Variants in MREG observed in about 807,000 individuals in gnomAD.
MREG encodes the protein dilute suppressor protein homolog.
In MREG, 31 loss-of-function variants were observed where a neutral mutation model predicts 28.5. The ratio of observed to expected loss-of-function variants is 1.09; its 90% CI spans 0.82 to 1.47. The LOEUF (loss-of-function observed/expected upper bound fraction) is 1.47. Among genes scored for constraint, MREG ranks in the 40% most tolerant of loss-of-function variants. MREG has a pLI of 0.00. For missense variants in MREG, 256 were observed against 257.4 expected, an observed-to-expected ratio of 0.99 and a Z score of 0.04; for synonymous variants, 106 against 95.2, an observed-to-expected ratio of 1.11 and a Z score of -0.66.
chr2:216,033,125 T>C (rs989284908), upstream of MREG, among the ~76,000 whole-genome samples: 4 of 152,222 alleles, frequency 2.6e-5, no homozygotes, highest in Admixed American at 1.3e-4. Flanking sequence ...GAATTAACCA[T>C]ATAATGTATA....
chr2:215,988,823 T>C (rs1693649540), intron 2 of MREG, among the ~76,000 whole-genome samples: 1 of 152,208 alleles, frequency 6.6e-6, no homozygotes, highest in Admixed American at 6.5e-5. Flanking sequence ...AAAGCCACTA[T>C]GGCAAGACTG....
Position 215,945,713 on chromosome 2 carries a change from G to C in MREG, c.368C>G (p.Ser123Cys). 1 of 1,613,374 alleles carries C rather than the reference G, an allele frequency of 6.2e-7. No individual in the cohort carries two copies. Among genetic ancestry groups the C allele is most frequent in the African/African-American group, 1.3e-5 (1 of 74,994 alleles). ...GCTGAGTTTAGTCACTGACAACAAA[G>C]AGTCAGCTTCCTTTTGAAAACCTAA... ...EDLGFQKEADSLLSVTKLSTI... is the reference protein window; with the variant it reads ...EDLGFQKEADCLLSVTKLSTI... The change falls in exon 4 of 5, where the codon TCT becomes TGT. Residue 123 changes from serine (S) to cysteine (C), a missense_variant. Coordinates refer to ENST00000263268, the MANE Select transcript of MREG (RefSeq NM_018000.3).
At chr2:215,970,527 A>G (rs1016767045) in intron 2 of MREG, among the ~76,000 whole-genome samples, 8 of 152,358 alleles carry the variant, frequency 5.3e-5, no homozygotes, top group Middle Eastern at 6.8e-3. Context: ...AGACTTCTGC[A>G]TCAAAGGACT....
intron 2 of MREG, among the ~76,000 whole-genome samples, chr2:215,977,357 C>T (rs954542068): frequency 7.2e-5 from 11 of 152,196 alleles, no homozygotes; most frequent in Non-Finnish European, 1.2e-4. Flanking sequence ...GCACCCAATA[C>T]AGGAGCACCC....
intron 1 of MREG, among the ~76,000 whole-genome samples, chr2:216,011,664 A>G (rs1196756707): frequency 6.6e-6 from 1 of 152,228 alleles, no homozygotes; most frequent in Non-Finnish European, 1.5e-5. Flanking sequence ...TCTTAAAATC[A>G]CATGCAAAAT....
chr2:215,994,140 A>T (rs1026415013), intron 2 of MREG, among the ~76,000 whole-genome samples: 3 of 152,046 alleles, frequency 2.0e-5, no homozygotes, highest in African/African-American at 7.3e-5. Flanking sequence ...CTGTTCACAA[A>T]AGCAAAGATT....
chr2:216,013,806 C>G (rs1393438712), upstream of MREG, among the ~76,000 whole-genome samples: 2 of 152,088 alleles, frequency 1.3e-5, no homozygotes, highest in East Asian at 1.9e-4. Flanking sequence ...ATTAAAGATC[C>G]TCCCCCACCC....
intron 2 of MREG, among the ~76,000 whole-genome samples, chr2:215,961,020 T>C (rs1381342003): frequency 6.6e-6 from 1 of 152,186 alleles, no homozygotes; most frequent in Non-Finnish European, 1.5e-5. Context: ...ATTAACTGTC[T>C]GCCCTAACCT....
intron 2 of MREG, among the ~76,000 whole-genome samples, chr2:215,995,511 C>CCCCCCCCCCCCCG (rs146414052): frequency 8.1e-5 from 11 of 136,116 alleles, no homozygotes; most frequent in African/African-American, 3.2e-4. Flanking sequence ...CCCACCCCAC[C>CCCCCCCCCCCCCG]CCCCGCCACC....
At position 215,946,051 on chromosome 2, in the gene MREG, T is replaced by A. The variant is rs1055979823; in HGVS notation, c.347-317A>T. 2.0e-5 allele frequency among the ~76,000 whole-genome samples: 3 copies of A among 151,954 alleles called. No homozygotes were observed. The South Asian group carries it at 6.2e-4, about 32-fold the overall frequency. ...CCCTCTTTCCTGTCCTCCCTACTCT[T>A]TAGCTTCTCCCCTGTCCCCAGAATT... On this transcript the variant is annotated intron_variant, in intron 3 of 4. Coordinates refer to ENST00000263268, the MANE Select transcript of MREG (RefSeq NM_018000.3).
chr2:216,014,846 A>G (rs552119711), upstream of MREG, among the ~76,000 whole-genome samples: 1 of 152,282 alleles, frequency 6.6e-6, no homozygotes, highest in South Asian at 2.1e-4. Context: ...GCCAAATGCA[A>G]GGTTCAATCT....
intron 2 of MREG, among the ~76,000 whole-genome samples, chr2:215,989,553 T>C (rs1693668635): frequency 6.6e-6 from 1 of 151,940 alleles, no homozygotes; most frequent in Non-Finnish European, 1.5e-5. Flanking sequence ...GTTTGACAAA[T>C]TGACAGACGT....
At chr2:216,033,845 G>T (rs964875711), upstream of MREG, 5 of 152,212 alleles carry the variant, frequency 3.3e-5, no homozygotes, top group Non-Finnish European at 5.9e-5. Flanking sequence ...CCCACAGAGG[G>T]CCTTGGTTAC....
chr2:216,030,818 C>T (rs890118342), intron 1 of MREG, among the ~76,000 whole-genome samples: 8 of 151,172 alleles, frequency 5.3e-5, no homozygotes, highest in Non-Finnish European at 1.2e-4. Context: ...CTGCCTTGGC[C>T]TTCCAAAGTG....
At chr2:216,005,544 C>T (rs1395898171) in intron 1 of MREG, among the ~76,000 whole-genome samples, 1 of 149,518 alleles carries the variant, frequency 6.7e-6, no homozygotes, top group Non-Finnish European at 1.5e-5. Context: ...CTCTGCTTCC[C>T]AGCTTCAAGT....
chr2:216,016,802 C>G (rs1009683669), upstream of MREG, among the ~76,000 whole-genome samples: 2 of 152,196 alleles, frequency 1.3e-5, no homozygotes, highest in African/African-American at 4.8e-5. Flanking sequence ...TTGTTTCAGA[C>G]AGGATATTTA....
intron 1 of MREG, among the ~76,000 whole-genome samples, chr2:216,027,712 G>A (rs1019698950): frequency 1.3e-5 from 2 of 152,002 alleles, no homozygotes; most frequent in African/African-American, 4.8e-5. Context: ...AAAGGCATGA[G>A]GTAGTTAAGA....
intron 2 of MREG, among the ~76,000 whole-genome samples, chr2:215,994,138 A>G (rs1693795242): frequency 6.6e-6 from 1 of 152,080 alleles, no homozygotes. Context: ...CACTGTTCAC[A>G]AAAGCAAAGA....
intron 2 of MREG, among the ~76,000 whole-genome samples, chr2:215,979,793 C>A (rs902045288): frequency 1.3e-5 from 2 of 151,902 alleles, no homozygotes; most frequent in East Asian, 1.9e-4. Flanking sequence ...CTCAGACACT[C>A]TAAGAAAAAC....
Sources: allele counts gnomAD v4.1 joint callset (sites outside exome capture counted in the v4.1 genomes callset), GRCh38; gene constraint gnomAD v4.1.1; transcripts MANE v1.5; gene names NCBI Gene and HGNC (gene_info 2026-07-23, HGNC 2026-07-21).